TPST1: variants seen among roughly 807,000 people sequenced by gnomAD.
TPST1 encodes the protein protein-tyrosine sulfotransferase 1.
Under a neutral mutation model 34.8 loss-of-function variants are expected in TPST1, and 20 were observed. The observed-to-expected ratio is 0.57, with a 90% confidence interval of 0.40 to 0.84. The LOEUF (loss-of-function observed/expected upper bound fraction) is 0.84, where lower values mean the gene tolerates loss of function less well. TPST1 is among the 40% of genes least tolerant of loss of function. The probability of loss-of-function intolerance (pLI) is 0.00; values close to 1 mark genes in which losing one functional copy is unlikely to be tolerated. For missense variants in TPST1, 353 were observed against 455.5 expected, an observed-to-expected ratio of 0.78 and a Z score of 2.05; for synonymous variants, 152 against 159.4, an observed-to-expected ratio of 0.95 and a Z score of 0.35.
intron 3 of TPST1, among the ~76,000 whole-genome samples, chr7:66,329,327 A>C (rs950787028): frequency 6.6e-6 from 1 of 152,150 alleles, no homozygotes; most frequent in African/African-American, 2.4e-5. Flanking sequence ...AGAAACCTGG[A>C]AAGAATAGTA....
At chr7:66,293,705 G>A (rs1339832218) in intron 3 of TPST1, among the ~76,000 whole-genome samples, 1 of 152,090 alleles carries the variant, frequency 6.6e-6, no homozygotes, top group African/African-American at 2.4e-5. Flanking sequence ...AATTATTAGT[G>A]ACCTTACTTC....
chr7:66,208,443 C>A (rs1789176177), intron 1 of TPST1, among the ~76,000 whole-genome samples: 1 of 152,096 alleles, frequency 6.6e-6, no homozygotes, highest in Non-Finnish European at 1.5e-5. Context: ...GTACATACTT[C>A]CATCTCCATT....
chr7:66,203,223 A>G (rs1789050406), upstream of TPST1, among the ~76,000 whole-genome samples: 1 of 151,758 alleles, frequency 6.6e-6, no homozygotes, highest in Non-Finnish European at 1.5e-5. Flanking sequence ...ACACACACAC[A>G]CATATATATA....
chr7:66,271,138 G>A (rs1790696172), intron 2 of TPST1, among the ~76,000 whole-genome samples: 1 of 151,964 alleles, frequency 6.6e-6, no homozygotes, highest in Non-Finnish European at 1.5e-5. Context: ...GTTGCAATTA[G>A]CATTTTTATT....
intron 1 of TPST1, among the ~76,000 whole-genome samples, chr7:66,215,213 C>T (rs1243287786): frequency 6.7e-6 from 1 of 149,086 alleles, no homozygotes; most frequent in Non-Finnish European, 1.5e-5. Context: ...TGCCACCAAG[C>T]CCGGCTAATT....
At chr7:66,222,513 A>T (rs1789565562) in intron 1 of TPST1, among the ~76,000 whole-genome samples, 1 of 152,212 alleles carries the variant, frequency 6.6e-6, no homozygotes, top group African/African-American at 2.4e-5. Context: ...AGGTAAACTA[A>T]CCACAATACA....
At chr7:66,283,048 C>A (rs559921570) in intron 2 of TPST1, among the ~76,000 whole-genome samples, 6 of 152,240 alleles carry the variant, frequency 3.9e-5, no homozygotes, top group African/African-American at 1.4e-4. Flanking sequence ...GTGGGCAGAT[C>A]ACCTGAGGTC....
intron 2 of TPST1, among the ~76,000 whole-genome samples, chr7:66,284,788 C>T (rs1229058770): frequency 6.6e-6 from 1 of 152,046 alleles, no homozygotes; most frequent in Non-Finnish European, 1.5e-5. Context: ...AACTCCTGAC[C>T]TCAAATAATC....
At chr7:66,316,711 C>G (rs1791639623) in intron 3 of TPST1, among the ~76,000 whole-genome samples, 1 of 152,118 alleles carries the variant, frequency 6.6e-6, no homozygotes, top group Non-Finnish European at 1.5e-5. Context: ...AGTAGAATTG[C>G]TAAATAAAAT....
At chr7:66,252,845 A>G (rs1486069264) in intron 2 of TPST1, among the ~76,000 whole-genome samples, 1 of 152,152 alleles carries the variant, frequency 6.6e-6, no homozygotes, top group African/African-American at 2.4e-5. Context: ...CTTAAAACAA[A>G]TTTCTTTTCA....
At chr7:66,359,675 T>TG in intron 5 of TPST1, among the ~76,000 whole-genome samples, 1 of 152,314 alleles carries the variant, frequency 6.6e-6, no homozygotes, top group South Asian at 2.1e-4. Flanking sequence ...AGCAGCTACT[T>TG]GCATGCATCT....
chr7:66,253,765 C>T lies in TPST1; in HGVS notation c.845+12495C>T, dbSNP rs78113329. Among the ~76,000 whole-genome samples, 82 of 151,400 alleles carry T rather than the reference C, an allele frequency of 5.4e-4. 2 individuals carry two copies. In the East Asian group the frequency reaches 0.012, roughly 23 times the overall value. On this transcript the variant is annotated intron_variant, in intron 2 of 5. Coordinates refer to ENST00000304842, the MANE Select transcript of TPST1 (RefSeq NM_003596.4). ...AAAATGTCTTCGAGTTAGCCAGGCG[C>T]GGTGGCTTATGCCTATAATCCCAGC...
intron 3 of TPST1, among the ~76,000 whole-genome samples, chr7:66,319,597 G>A (rs968185323): frequency 6.6e-6 from 1 of 152,200 alleles, no homozygotes; most frequent in African/African-American, 2.4e-5. Context: ...TAGAAGTTCA[G>A]TGTTGCATTG....
intron 3 of TPST1, among the ~76,000 whole-genome samples, chr7:66,306,306 C>T (rs1791422484): frequency 6.6e-6 from 1 of 152,158 alleles, no homozygotes; most frequent in Non-Finnish European, 1.5e-5. Flanking sequence ...ATTCAAATCC[C>T]AATTCAGTTA....
intron 2 of TPST1, among the ~76,000 whole-genome samples, chr7:66,276,508 C>T (rs1434269885): frequency 1.3e-5 from 2 of 150,860 alleles, no homozygotes; most frequent in Non-Finnish European, 3.0e-5. Context: ...CAAGTAGCTG[C>T]GAGTACAGGC....
intron 3 of TPST1, among the ~76,000 whole-genome samples, chr7:66,308,580 A>G (rs891001147): frequency 6.6e-6 from 1 of 152,074 alleles, no homozygotes; most frequent in African/African-American, 2.4e-5. Flanking sequence ...GTGTGCTTAT[A>G]AAGTATAGCC....
intron 1 of TPST1, among the ~76,000 whole-genome samples, chr7:66,235,608 A>G (rs1239684867): frequency 1.3e-5 from 2 of 152,122 alleles, no homozygotes; most frequent in East Asian, 3.9e-4. Flanking sequence ...ATTTATATAT[A>G]TAGTATGTGA....
rs568298964 is a variant in TPST1, at chr7:66,284,656, A to C, written c.846-1855A>C. Among the ~76,000 whole-genome samples the C allele has an allele frequency of 2.2e-3, 337 of 150,764 alleles. 1 individual carries two copies. The highest frequency in any genetic ancestry group is 7.6e-3 in the African/African-American group (312 of 40,978). Reference sequence around the variant, plus strand: ...ACCGCAACCTCCATCTCCTGGGTTCAAGCAATTCTCCTGCCTCAGCCTCCC... The same window carrying C: ...ACCGCAACCTCCATCTCCTGGGTTCCAGCAATTCTCCTGCCTCAGCCTCCC... On this transcript the variant is annotated intron_variant, in intron 2 of 5. Transcript: ENST00000304842.
chr7:66,333,604 A>G (rs1792037986), intron 3 of TPST1, among the ~76,000 whole-genome samples: 1 of 152,228 alleles, frequency 6.6e-6, no homozygotes, highest in East Asian at 1.9e-4. Flanking sequence ...TCTCTTGTGA[A>G]TAATTAACAG....
Sources: allele counts gnomAD v4.1 joint callset (sites outside exome capture counted in the v4.1 genomes callset), GRCh38; gene constraint gnomAD v4.1.1; transcripts MANE v1.5; gene names NCBI Gene and HGNC (gene_info 2026-07-23, HGNC 2026-07-21).